Variants in CTNNAL1 observed in about 807,000 individuals in gnomAD.
CTNNAL1 encodes the protein catenin alpha like 1.
A neutral mutation model predicts 93.6 loss-of-function variants in CTNNAL1; 69 were observed. The ratio of observed to expected loss-of-function variants is 0.74; its 90% CI spans 0.61 to 0.90. The LOEUF (loss-of-function observed/expected upper bound fraction) is 0.90, where lower values mean the gene tolerates loss of function less well. CTNNAL1 is among the 40% of genes least tolerant of loss of function. The pLI, the probability that CTNNAL1 is intolerant of heterozygous loss-of-function variation, is 0.00. For synonymous variants in CTNNAL1, 286 were observed against 305.4 expected (o/e 0.94, Z 0.66); for missense variants, 836 against 862.0 (o/e 0.97, Z 0.38).
intron 4 of CTNNAL1, among the ~76,000 whole-genome samples, chr9:108,984,921 T>A (rs2132158747): frequency 6.6e-6 from 1 of 152,338 alleles, no homozygotes; most frequent in East Asian, 1.9e-4. Context: ...TTGGGGTTCG[T>A]TTGTCTTAAT....
chr9:109,013,217 C>T lies in CTNNAL1; in HGVS notation c.141+85G>A. On this transcript the variant is annotated intron_variant, in intron 1 of 18. Transcript: ENST00000325551. ...GGCGCGGAAAGTGGGGCAGCGGCTG[C>T]CTCCCGTCCGGTCGTGCGAGCGGCG... is the stretch of plus-strand genomic sequence containing the variant. 3.6e-6 allele frequency: 5 copies of T among 1,373,292 alleles called. No homozygotes were observed. In the South Asian group the frequency reaches 4.9e-5, roughly 14 times the overall value. 85.1% of individuals were successfully genotyped at this position (1,373,292 alleles called of 1,614,324 possible).
intron 12 of CTNNAL1, among the ~76,000 whole-genome samples, chr9:108,953,828 A>G (rs539179078): frequency 6.6e-6 from 1 of 152,026 alleles, no homozygotes; most frequent in African/African-American, 2.4e-5. Flanking sequence ...ACACACAGAG[A>G]GAAAGAGACA....
intron 1 of CTNNAL1, among the ~76,000 whole-genome samples, chr9:109,003,491 A>C (rs1387238310): frequency 6.6e-6 from 1 of 152,212 alleles, no homozygotes; most frequent in Non-Finnish European, 1.5e-5. Flanking sequence ...TTCATGTAAA[A>C]TAATGACTTA....
intron 4 of CTNNAL1, 82 bp from the exon 5 acceptor site, chr9:108,984,518 A>T (rs1420052713): frequency 1.4e-6 from 1 of 696,022 alleles, no homozygotes; most frequent in Non-Finnish European, 2.5e-6. Context: ...TTCAACACTA[A>T]TACTCAAGAA....
intron 1 of CTNNAL1, among the ~76,000 whole-genome samples, chr9:109,006,549 A>G (rs985458136): frequency 2.0e-5 from 3 of 152,242 alleles, no homozygotes; most frequent in Non-Finnish European, 4.4e-5. Context: ...GCCAAATACA[A>G]TCTTAACTAT....
chr9:108,956,104 G>A lies in CTNNAL1; in HGVS notation c.1592-277C>T, dbSNP rs150984465. On this transcript the variant is annotated intron_variant, in intron 11 of 18. Transcript: ENST00000325551. ...GGCAAATGTCCCACTGACATTTACT[G>A]CCACTTGCAATCAGCTTCATTCACA... 3.0e-3 allele frequency among the ~76,000 whole-genome samples: 450 copies of A among 152,342 alleles called. 3 individuals carry two copies. Among genetic ancestry groups the A allele is most frequent in the African/African-American group, 0.01 (432 of 41,580 alleles).
chr9:108,992,464 C>T (rs1300884780), intron 3 of CTNNAL1, among the ~76,000 whole-genome samples, 168 bp downstream of exon 3: 6 of 151,254 alleles, frequency 4.0e-5, no homozygotes, highest in African/African-American at 9.7e-5. Context: ...GTGCATTCAA[C>T]GTACAGATGA....
chr9:108,978,760 G>C (rs1831335437), intron 7 of CTNNAL1, among the ~76,000 whole-genome samples: 1 of 152,142 alleles, frequency 6.6e-6, no homozygotes, highest in Non-Finnish European at 1.5e-5. Flanking sequence ...TTGTGCAAGG[G>C]TGAAAAGCTT....
intron 8 of CTNNAL1, among the ~76,000 whole-genome samples, chr9:108,974,556 A>G (rs1831205970): frequency 6.6e-6 from 1 of 152,240 alleles, no homozygotes; most frequent in African/African-American, 2.4e-5. Context: ...AATTTCAGCC[A>G]GGCATGATGG....
intron 6 of CTNNAL1, 105 bp from the exon 7 acceptor site, chr9:108,979,586 T>C: frequency 9.5e-7 from 1 of 1,048,368 alleles, no homozygotes; most frequent in Non-Finnish European, 1.4e-6. Context: ...TAGCATTTCC[T>C]TTTCCCAAGC....
At chr9:108,981,789 G>T (rs1420037631) in intron 6 of CTNNAL1, among the ~76,000 whole-genome samples, 3 of 152,176 alleles carry the variant, frequency 2.0e-5, no homozygotes, top group Non-Finnish European at 4.4e-5. Context: ...GCCGGCTGTG[G>T]TGGTGGGTGC....
At chr9:108,956,665 CATAAT>C (rs1013076779) in intron 11 of CTNNAL1, among the ~76,000 whole-genome samples, 3 of 152,144 alleles carry the variant, frequency 2.0e-5, no homozygotes, top group Non-Finnish European at 4.4e-5. Context: ...TAAAAGTAAA[CATAAT>C]ATAAGAGCAC....
chr9:108,978,926 G>C (rs1196432055), intron 7 of CTNNAL1, among the ~76,000 whole-genome samples: 1 of 152,336 alleles, frequency 6.6e-6, no homozygotes. Context: ...GAACCTCTAG[G>C]AGGGGGTCTA....
chr9:108,997,221 A>C (rs1316998000), intron 2 of CTNNAL1, among the ~76,000 whole-genome samples: 1 of 152,168 alleles, frequency 6.6e-6, no homozygotes, highest in African/African-American at 2.4e-5. Flanking sequence ...TTTAGTTAAC[A>C]ATCTACTTTT....
At chr9:108,979,502 T>C in intron 6 of CTNNAL1, 21 bp from the exon 7 acceptor site, 1 of 1,610,744 alleles carries the variant, frequency 6.2e-7, no homozygotes, top group Non-Finnish European at 8.5e-7. Flanking sequence ...AAAGGACATC[T>C]ATCCATCCAT....
intron 11 of CTNNAL1, among the ~76,000 whole-genome samples, chr9:108,962,090 G>C (rs1019874362): frequency 6.6e-6 from 1 of 152,150 alleles, no homozygotes; most frequent in Non-Finnish European, 1.5e-5. Context: ...TCAAACCTCA[G>C]TAAGGGTCCC....
In CTNNAL1 at chr9:108,952,363, C is replaced by G. The variant is rs745454187; in HGVS notation, c.1681G>C (p.Glu561Gln). 6.2e-7 allele frequency: 1 copy of G among 1,613,988 alleles called. No individual in the cohort carries two copies. Among genetic ancestry groups the G allele is most frequent in the Non-Finnish European group, 8.5e-7 (1 of 1,180,038 alleles). ...CCAAGCTTTGCTATCTTGGCTTGCT[C>G]CTATGAAACAGACGTTTTAATCACA... is the stretch of plus-strand genomic sequence containing the variant. ...SLKPDKPDSE[E>Q]QAKIAKLGLK... Residue 561 changes from glutamate to glutamine, a missense_variant and splice_region_variant, in exon 14 of 19, where the codon GAG becomes CAG. By Grantham distance (29) the Glu-to-Gln change is conservative. Coordinates refer to ENST00000325551, the MANE Select transcript of CTNNAL1 (RefSeq NM_003798.4).
At chr9:108,960,010 AT>A (rs1369522410) in intron 11 of CTNNAL1, among the ~76,000 whole-genome samples, 1 of 152,358 alleles carries the variant, frequency 6.6e-6, no homozygotes, top group Admixed American at 6.5e-5. Flanking sequence ...GAAAAGCCTT[AT>A]CATTTCACTG....
chr9:108,995,406 C>A, intron 2 of CTNNAL1, among the ~76,000 whole-genome samples: 1 of 152,162 alleles, frequency 6.6e-6, no homozygotes, highest in Non-Finnish European at 1.5e-5. Flanking sequence ...TCTGACTAGA[C>A]CCCAGGCATT....
Sources: gnomAD v4.1 joint callset for allele counts (sites outside exome capture counted in the v4.1 genomes callset) on GRCh38, gnomAD v4.1.1 for gene constraint, MANE v1.5 for transcripts, NCBI Gene and HGNC (gene_info 2026-07-23, HGNC 2026-07-21) for gene names.